PRELID2: variants seen among roughly 807,000 people sequenced by gnomAD.
PRELID2 encodes the protein PRELI domain-containing protein 2.
In PRELID2, 25 loss-of-function variants were observed where a neutral mutation model predicts 28.4. That is an observed-to-expected ratio of 0.88 (90% CI 0.64 to 1.23). The LOEUF is 1.23. Among genes scored for constraint, PRELID2 ranks in the 50% most tolerant of loss-of-function variants. PRELID2 has a pLI of 0.00. For missense variants in PRELID2, 201 were observed against 214.4 expected, an observed-to-expected ratio of 0.94 and a Z score of 0.39; for synonymous variants, 76 against 71.6, an observed-to-expected ratio of 1.06 and a Z score of -0.31.
chr5:145,503,127 A>G (rs1752374302), intron 1 of PRELID2, among the ~76,000 whole-genome samples: 1 of 152,138 alleles, frequency 6.6e-6, no homozygotes, highest in Non-Finnish European at 1.5e-5. Context: ...TAGTGATAGC[A>G]GGGCCCTTGT....
chr5:145,828,786 T>C (rs1222511002), intron 1 of PRELID2, among the ~76,000 whole-genome samples: 2 of 151,130 alleles, frequency 1.3e-5, no homozygotes, highest in Non-Finnish European at 2.9e-5. Flanking sequence ...CTTTTGACAG[T>C]GAACTCCTTG....
At chr5:145,303,932 G>T in the PRELID2 span, among the ~76,000 whole-genome samples, 66 of 152,188 alleles carry the variant, frequency 4.3e-4, no homozygotes, top group African/African-American at 1.5e-3. Context: ...TTGTAATTAT[G>T]CTCAGCGACT....
At chr5:145,654,499 A>G (rs1433452482) in intron 1 of PRELID2, among the ~76,000 whole-genome samples, 3 of 152,236 alleles carry the variant, frequency 2.0e-5, no homozygotes, top group Admixed American at 2.0e-4. Flanking sequence ...AAAATCCTCA[A>G]TAAAATACTA....
chr5:145,627,134 AAAAAAAAAAAAAT>A (rs1753859467), intron 1 of PRELID2, among the ~76,000 whole-genome samples: 2 of 127,750 alleles, frequency 1.6e-5, no homozygotes, highest in Admixed American at 8.2e-5. Context: ...AAAAAAAAAA[AAAAAAAAAAAAAT>A]TTGTGTATAT....
At chr5:145,414,022 G>T in the PRELID2 span, among the ~76,000 whole-genome samples, 1 of 152,116 alleles carries the variant, frequency 6.6e-6, no homozygotes, top group Non-Finnish European at 1.5e-5. Flanking sequence ...AAAGGGAGAA[G>T]AAAATATTTC....
At chr5:145,309,524 A>G in the PRELID2 span, among the ~76,000 whole-genome samples, 8 of 152,224 alleles carry the variant, frequency 5.3e-5, no homozygotes, top group African/African-American at 1.9e-4. Context: ...CAGTTGTACC[A>G]AATATTTAAA....
chr5:145,581,274 G>T (rs1035979170), intron 1 of PRELID2, among the ~76,000 whole-genome samples: 2 of 152,004 alleles, frequency 1.3e-5, no homozygotes, highest in African/African-American at 4.8e-5. Flanking sequence ...GCCTTTCATA[G>T]AAGCCATGTG....
chr5:145,411,916 G>A, the PRELID2 span, among the ~76,000 whole-genome samples: 4 of 152,178 alleles, frequency 2.6e-5, 1 homozygote, highest in South Asian at 2.1e-4. Context: ...TATGGGCTTT[G>A]CACCCTCTGA....
In PRELID2 at chr5:145,599,121, C is replaced by G. The variant is rs1753352236; in HGVS notation, n.71-125806G>C. Among the ~76,000 whole-genome samples the G allele has an allele frequency of 2.0e-5, 3 of 152,114 alleles. No homozygotes were observed. The South Asian group carries it at 6.2e-4, about 32-fold the overall frequency. ...GGTCATTAACTTGCTAGCAGAGAGG[C>G]AACATGGAGACAGTAATTGCTGCCA... On this transcript the variant is annotated intron_variant and non_coding_transcript_variant, in intron 1 of 2. Transcript: ENST00000510259.
At chr5:145,391,094 G>C in the PRELID2 span, among the ~76,000 whole-genome samples, 5 of 152,186 alleles carry the variant, frequency 3.3e-5, no homozygotes. Context: ...GGCTGATGTT[G>C]AGTGTCTGTG....
chr5:145,312,439 C>A, the PRELID2 span, among the ~76,000 whole-genome samples: 1 of 152,134 alleles, frequency 6.6e-6, no homozygotes, highest in Non-Finnish European at 1.5e-5. Flanking sequence ...TACAGTCAAT[C>A]TCCAGAACTT....
At chr5:145,713,227 T>G (rs1281292665) in intron 1 of PRELID2, among the ~76,000 whole-genome samples, 1 of 150,944 alleles carries the variant, frequency 6.6e-6, no homozygotes, top group Non-Finnish European at 1.5e-5. Context: ...AAAACATACC[T>G]AGACACATTA....
At chr5:145,383,957 C>T in the PRELID2 span, among the ~76,000 whole-genome samples, 5 of 151,908 alleles carry the variant, frequency 3.3e-5, no homozygotes, top group Non-Finnish European at 7.4e-5. Context: ...ATACATAATA[C>T]ATTTTTACAA....
the PRELID2 span, among the ~76,000 whole-genome samples, chr5:145,431,209 A>G: frequency 1.3e-5 from 2 of 152,026 alleles, no homozygotes; most frequent in South Asian, 4.1e-4. Context: ...TCCACTCCCA[A>G]TCACTAGTCT....
the PRELID2 span, among the ~76,000 whole-genome samples, chr5:145,405,699 G>GTT: frequency 7.9e-3 from 362 of 45,912 alleles, 17 homozygotes; most frequent in Middle Eastern, 0.039. Context: ...GTACCACATA[G>GTT]TTGTTTTTTT....
the PRELID2 span, among the ~76,000 whole-genome samples, chr5:145,384,795 C>A: frequency 6.6e-6 from 1 of 152,040 alleles, no homozygotes; most frequent in Non-Finnish European, 1.5e-5. Flanking sequence ...CAGGGAGGTG[C>A]CATACATTTT....
chr5:145,385,986 A>C, the PRELID2 span, among the ~76,000 whole-genome samples: 1 of 151,938 alleles, frequency 6.6e-6, no homozygotes, highest in African/African-American at 2.4e-5. Flanking sequence ...ACAACGTGGG[A>C]GGTGATTGGA....
intron 1 of PRELID2, among the ~76,000 whole-genome samples, chr5:145,694,055 C>T (rs1755205976): frequency 6.6e-6 from 1 of 152,158 alleles, no homozygotes; most frequent in South Asian, 2.1e-4. Context: ...CTTCTAGTGC[C>T]TCTGTTTCCT....
At chr5:145,253,010 A>T in the PRELID2 span, among the ~76,000 whole-genome samples, 1 of 152,168 alleles carries the variant, frequency 6.6e-6, no homozygotes, top group Non-Finnish European at 1.5e-5. Flanking sequence ...TAAGATTGAT[A>T]GAAATTATTA....
Sources: allele counts gnomAD v4.1 joint callset (sites outside exome capture counted in the v4.1 genomes callset), GRCh38; gene constraint gnomAD v4.1.1; transcripts MANE v1.5; gene names NCBI Gene and HGNC (gene_info 2026-07-23, HGNC 2026-07-21).